The following PCDHGA5 variants were observed in gnomAD, a reference collection of about 807,000 sequenced individuals.
The protein encoded by PCDHGA5 is protocadherin gamma subfamily A, 5, also known as protocadherin gamma-A5.
In PCDHGA5, 36 loss-of-function variants were observed where a neutral mutation model predicts 56.7. The observed-to-expected ratio is 0.64, with a 90% CI of 0.49 to 0.84. The LOEUF (loss-of-function observed/expected upper bound fraction) is 0.84. Among genes scored for constraint, PCDHGA5 ranks in the 40% least tolerant of loss-of-function variants. The pLI is 0.00. For missense variants in PCDHGA5, 1,305 were observed against 1,201.5 expected, an observed-to-expected ratio of 1.09 and a Z score of -1.27; for synonymous variants, 563 against 520.2, an observed-to-expected ratio of 1.08 and a Z score of -1.12.
chr5:141,374,410 T>G, intron 1 of PCDHGA5: 1 of 1,614,012 alleles, frequency 6.2e-7, no homozygotes. Context: ...TTAACATCCT[T>G]GTCGAGGATA....
chr5:141,387,669 TCTC>T lies in PCDHGA5; in HGVS notation c.2421+20922_2421+20924del, dbSNP rs61279892. 2,271 of 693,780 alleles carry T rather than the reference TCTC, an allele frequency of 3.3e-3. 45 individuals are homozygous for T. In the African/African-American group the frequency reaches 0.034, roughly 10 times the overall value. 43.0% of individuals were successfully genotyped at this position (693,780 alleles called of 1,614,324 possible). A position where few individuals can be genotyped will look rare whatever the true frequency, so the allele number is the denominator to read the frequency against. ...AAAGTGGAGAGCTTGGCGCTCCAGA[TCTC>T]CTCGCGCAGCCGCAGCGCGCTTTCC... On this transcript the variant is annotated intron_variant, in intron 1 of 3. Coordinates refer to ENST00000518069, the MANE Select transcript of PCDHGA5 (RefSeq NM_018918.3).
rs765563941 is a variant in PCDHGA5 at position 141,383,705 on chromosome 5, T to G, written c.2421+16954T>G. On this transcript the variant is annotated intron_variant, in intron 1 of 3. Transcript: ENST00000518069. ...CTGCTCACGGTACATGCTATCGACC[T>G]GGACGAGGGAGTCAATGGGGAAGTG... 3.1e-6 allele frequency: 5 copies of G among 1,613,902 alleles called. No homozygotes were observed. Among genetic ancestry groups the G allele is most frequent in the Non-Finnish European group, 4.2e-6 (5 of 1,179,894 alleles).
chr5:141,502,750 A>G (rs974131144), intron 2 of PCDHGA5, among the ~76,000 whole-genome samples: 3 of 151,928 alleles, frequency 2.0e-5, no homozygotes, highest in Non-Finnish European at 4.4e-5. Context: ...TTCCTTCTAC[A>G]TGTATTTGCT....
At chr5:141,408,605 A>G (rs1374368607) in intron 1 of PCDHGA5, 1 of 1,614,060 alleles carries the variant, frequency 6.2e-7, no homozygotes, top group South Asian at 1.1e-5. Flanking sequence ...TCAATTTGAT[A>G]AAAAGGAAAT....
At chr5:141,413,606 T>C (rs756987695) in intron 1 of PCDHGA5, 1 of 1,613,848 alleles carries the variant, frequency 6.2e-7, no homozygotes, top group Admixed American at 1.7e-5. Context: ...AATCTAGACG[T>C]AAAAATTAAT....
Position 141,400,778 on chromosome 5 carries a change from T to A in PCDHGA5, c.2421+34027T>A, listed in dbSNP as rs1589424490. ...TCTCTAGCAAAAACATTTGGTGCGT[T>A]TTTTTGTCCTCTTTCTCAAAGCTAA... On this transcript the variant is annotated intron_variant, in intron 1 of 3. Coordinates refer to ENST00000518069, the MANE Select transcript of PCDHGA5 (RefSeq NM_018918.3). 6 of 568,120 alleles carry A rather than the reference T, an allele frequency of 1.1e-5. No individual in the cohort carries two copies. The East Asian group carries it at 1.7e-4, about 16-fold the overall frequency. 35.2% of individuals were successfully genotyped at this position (568,120 alleles called of 1,614,324 possible).
At chr5:141,399,230 A>G (rs764321114) in intron 1 of PCDHGA5, 2 of 1,614,002 alleles carry the variant, frequency 1.2e-6, no homozygotes, top group Non-Finnish European at 1.7e-6. Context: ...ATCAAAATAC[A>G]TGACCAAGAT....
intron 1 of PCDHGA5, chr5:141,389,516 G>A: frequency 6.2e-7 from 1 of 1,613,168 alleles, no homozygotes; most frequent in Non-Finnish European, 8.5e-7. Context: ...GCGCGAACGT[G>A]AGCCTGCGCG....
At chr5:141,427,410 G>GA (rs1197961039) in intron 1 of PCDHGA5, 3 of 463,834 alleles carry the variant, frequency 6.5e-6, no homozygotes, top group African/African-American at 2.0e-5. Flanking sequence ...AGATTCGAGA[G>GA]AAAATGGGGA....
chr5:141,476,744 C>A lies in PCDHGA5; in HGVS notation c.2422-18063C>A, dbSNP rs1168392300. ...CCTGGACCGAGAACGGGAGCCTAGT[C>A]TCCAGTTAGTGCTGACGGCGTTGGA... On this transcript the variant is annotated intron_variant, in intron 1 of 3. Coordinates refer to ENST00000518069, the MANE Select transcript of PCDHGA5 (RefSeq NM_018918.3). The surrounding 1 kb of genome is among the most constrained non-coding windows in gnomAD (Gnocchi z 7.6). 1.2e-6 allele frequency: 2 copies of A among 1,614,046 alleles called. No individual in the cohort carries two copies. Among genetic ancestry groups the A allele is most frequent in the Admixed American group, 3.3e-5 (2 of 60,034 alleles).
rs754537015 is a variant in PCDHGA5 at position 141,431,184 on chromosome 5, T to C, written c.2422-63623T>C. The C allele has an allele frequency of 2.5e-6, 4 of 1,614,090 alleles. No individual in the cohort carries two copies. In the South Asian group the frequency reaches 3.3e-5, roughly 13 times the overall value. ...CGTGAAAGTGAATTAGAAATAAAAATTAGTGAAAATGCAGCCACTGAGATG... is the reference window on the plus strand; with the variant it reads ...CGTGAAAGTGAATTAGAAATAAAAACTAGTGAAAATGCAGCCACTGAGATG... On this transcript the variant is annotated intron_variant, in intron 1 of 3. Coordinates refer to ENST00000518069, the MANE Select transcript of PCDHGA5 (RefSeq NM_018918.3). This position sits in a 1 kb window ranked among gnomAD's most constrained non-coding sequence, Gnocchi z 4.8.
chr5:141,407,471 A>G (rs1343289603), intron 1 of PCDHGA5, among the ~76,000 whole-genome samples: 1 of 146,104 alleles, frequency 6.8e-6, no homozygotes, highest in African/African-American at 2.5e-5. Context: ...AGATGACTGA[A>G]TGGAGTATGG....
chr5:141,490,092 C>T lies in PCDHGA5; in HGVS notation c.2422-4715C>T. On this transcript the variant is annotated intron_variant, in intron 1 of 3. Coordinates refer to ENST00000518069, the MANE Select transcript of PCDHGA5 (RefSeq NM_018918.3). This position sits in a 1 kb window ranked among gnomAD's most constrained non-coding sequence, Gnocchi z 5.4. ...AACTAGACTATTCTTTTGGAGACCA[C>T]ACATCTGAGGCAGTGCGGAACCTCT... 6.2e-7 allele frequency: 1 copy of T among 1,614,240 alleles called. No individual in the cohort carries two copies.
chr5:141,441,697 C>A (rs1415018255), intron 1 of PCDHGA5: 4 of 307,190 alleles, frequency 1.3e-5, no homozygotes, highest in Non-Finnish European at 1.3e-5. Flanking sequence ...CAGCCGCGAG[C>A]CTTCAAGCTC....
chr5:141,373,239 T>C (rs1466756322), intron 1 of PCDHGA5, among the ~76,000 whole-genome samples: 1 of 152,238 alleles, frequency 6.6e-6, no homozygotes, highest in Non-Finnish European at 1.5e-5. Flanking sequence ...ATATTTTTAC[T>C]TCCCTTTGCA....
At chr5:141,420,412 T>A in intron 1 of PCDHGA5, 1 of 1,225,004 alleles carries the variant, frequency 8.2e-7, no homozygotes, top group Non-Finnish European at 1.1e-6. Flanking sequence ...TGGTTATCAT[T>A]ATTAAAACAA....
chr5:141,418,902 T>A, intron 1 of PCDHGA5: 3 of 1,613,930 alleles, frequency 1.9e-6, no homozygotes, highest in Non-Finnish European at 2.5e-6. Context: ...CCAGAAATAA[T>A]CATCACGTCA....
At chr5:141,368,306 T>C (rs1456479805) in intron 1 of PCDHGA5, among the ~76,000 whole-genome samples, 1 of 152,130 alleles carries the variant, frequency 6.6e-6, no homozygotes, top group African/African-American at 2.4e-5. Context: ...TTAAACACTG[T>C]TAAAGAGCAT....
chr5:141,386,504 T>A (rs1351334049), intron 1 of PCDHGA5, among the ~76,000 whole-genome samples: 1 of 84,712 alleles, frequency 1.2e-5, no homozygotes, highest in Non-Finnish European at 2.3e-5. Flanking sequence ...AACAAGACTC[T>A]GTCTCTTCAA....
Sources: allele counts gnomAD v4.1 joint callset (sites outside exome capture counted in the v4.1 genomes callset), GRCh38; gene constraint gnomAD v4.1.1; non-coding constraint Gnocchi (gnomAD v3.1); transcripts MANE v1.5; gene names NCBI Gene and HGNC (gene_info 2026-07-23, HGNC 2026-07-21).